ASTN2: variants seen among roughly 807,000 people sequenced by gnomAD.
ASTN2 encodes astrotactin 2, also known as astrotactin-2.
ASTN2 carries 54 observed loss-of-function variants against 139.8 expected under a neutral mutation model. The observed-to-expected ratio is 0.39, with a 90% CI of 0.31 to 0.48. The LOEUF is 0.48. Ranked by LOEUF, ASTN2 falls within the 20% of genes least tolerant of loss-of-function variation. The pLI is 0.95. For synonymous variants in ASTN2, 756 were observed against 719.5 expected (o/e 1.05, Z -0.81); for missense variants, 1,565 against 1,725.1 (o/e 0.91, Z 1.64).
chr9:117,347,433 C>T (rs778327281), intron 1 of ASTN2, among the ~76,000 whole-genome samples: 9 of 151,970 alleles, frequency 5.9e-5, no homozygotes, highest in Non-Finnish European at 1.0e-4. Context: ...ACACTGCATG[C>T]TAGATACGGC....
chr9:117,284,612 T>C (rs1184312403), intron 2 of ASTN2, among the ~76,000 whole-genome samples: 1 of 152,242 alleles, frequency 6.6e-6, no homozygotes, highest in African/African-American at 2.4e-5. Context: ...CCTCCAGGAT[T>C]GTGAGATAAT....
At chr9:116,976,237 G>T in intron 8 of ASTN2, 49 bp from the exon 9 acceptor site, 1 of 1,532,496 alleles carries the variant, frequency 6.5e-7, no homozygotes, top group African/African-American at 1.4e-5. Context: ...TCAGAGGCAG[G>T]TAGAATTCAC....
intron 19 of ASTN2, among the ~76,000 whole-genome samples, chr9:116,512,526 T>G (rs149294606): frequency 6.6e-6 from 1 of 152,200 alleles, no homozygotes; most frequent in African/African-American, 2.4e-5. Flanking sequence ...GTCCGCTTGG[T>G]GTAGAGTTGA....
intron 10 of ASTN2, among the ~76,000 whole-genome samples, chr9:116,925,546 C>A (rs1834729564): frequency 6.6e-6 from 1 of 152,180 alleles, no homozygotes; most frequent in Non-Finnish European, 1.5e-5. Flanking sequence ...CACATGTACT[C>A]ATACAGGCTC....
At chr9:116,796,575 G>A (rs1401680742) in intron 13 of ASTN2, among the ~76,000 whole-genome samples, 2 of 152,144 alleles carry the variant, frequency 1.3e-5, no homozygotes, top group Admixed American at 6.5e-5. Context: ...ATGGCCAAGG[G>A]TGATACAGCA....
At chr9:116,887,235 G>A (rs1203194472) in intron 10 of ASTN2, among the ~76,000 whole-genome samples, 1 of 151,980 alleles carries the variant, frequency 6.6e-6, no homozygotes, top group Non-Finnish European at 1.5e-5. Flanking sequence ...AGACAGCCAG[G>A]GGAGACAGAC....
chr9:117,034,407 C>A (rs557947122), intron 6 of ASTN2, among the ~76,000 whole-genome samples: 1 of 152,200 alleles, frequency 6.6e-6, no homozygotes, highest in East Asian at 1.9e-4. Flanking sequence ...ACATTATATC[C>A]AATGCTAATG....
At chr9:116,605,777 C>T (rs927535153) in intron 19 of ASTN2, among the ~76,000 whole-genome samples, 1 of 152,210 alleles carries the variant, frequency 6.6e-6, no homozygotes, top group Non-Finnish European at 1.5e-5. Context: ...TCCTATATCC[C>T]TTTATTTCCA....
chr9:116,624,108 T>C (rs1005596628), intron 17 of ASTN2, among the ~76,000 whole-genome samples: 12 of 152,108 alleles, frequency 7.9e-5, no homozygotes, highest in Admixed American at 1.3e-4. Flanking sequence ...GCTTCCAACT[T>C]CTGGCTAATT....
chr9:116,441,926 TTGCA>T (rs1388813180), intron 21 of ASTN2, among the ~76,000 whole-genome samples: 1 of 152,242 alleles, frequency 6.6e-6, no homozygotes, highest in African/African-American at 2.4e-5. Context: ...ACATTTAATC[TTGCA>T]TGCTAACTGA....
chr9:117,281,692 G>C (rs1261762427), intron 2 of ASTN2, among the ~76,000 whole-genome samples: 1 of 152,140 alleles, frequency 6.6e-6, no homozygotes, highest in Non-Finnish European at 1.5e-5. Flanking sequence ...CACACGCCCT[G>C]ACTCTCTTGC....
chr9:117,052,485 T>C lies in ASTN2; in HGVS notation c.1277-12520A>G, dbSNP rs187553827. On this transcript the variant is annotated intron_variant, in intron 5 of 22. Transcript: ENST00000313400. ...GATTAAATAATTAAATAGCATGACA[T>C]GCACTGCATAGCAGAAGCTCAGTGA... Among the ~76,000 whole-genome samples the C allele has an allele frequency of 8.4e-4, 127 of 150,624 alleles. 1 individual carries two copies. In the East Asian group the frequency reaches 0.016, roughly 19 times the overall value.
At chr9:116,625,014 A>C (rs1856370597) in intron 17 of ASTN2, among the ~76,000 whole-genome samples, 1 of 152,214 alleles carries the variant, frequency 6.6e-6, no homozygotes. Context: ...GATAAAAGCA[A>C]AGAAAATGTG....
intron 2 of ASTN2, among the ~76,000 whole-genome samples, chr9:117,231,975 G>A (rs569787275): frequency 9.8e-5 from 15 of 152,300 alleles, no homozygotes; most frequent in African/African-American, 3.6e-4. Context: ...TCAGGGCCCT[G>A]CACTCGGGGA....
chr9:117,299,669 A>C (rs1834828416), intron 1 of ASTN2, among the ~76,000 whole-genome samples: 1 of 152,222 alleles, frequency 6.6e-6, no homozygotes, highest in African/African-American at 2.4e-5. Flanking sequence ...ATCACCTAGC[A>C]GAATAATACA....
chr9:116,928,447 T>C (rs2132447261), intron 10 of ASTN2, among the ~76,000 whole-genome samples: 1 of 152,330 alleles, frequency 6.6e-6, no homozygotes, highest in African/African-American at 2.4e-5. Context: ...TGAGCTCATG[T>C]TTACTCAGAA....
intron 13 of ASTN2, among the ~76,000 whole-genome samples, chr9:116,799,710 G>C (rs546509320): frequency 7.5e-5 from 11 of 146,638 alleles, no homozygotes; most frequent in Non-Finnish European, 1.2e-4. Flanking sequence ...AGAGAGTGGG[G>C]GGGGGGAGAA....
chr9:116,679,905 C>T (rs972919836), intron 16 of ASTN2, among the ~76,000 whole-genome samples: 3 of 152,052 alleles, frequency 2.0e-5, no homozygotes, highest in East Asian at 3.9e-4. Flanking sequence ...GCAATAAATG[C>T]CCATAAGAGA....
At chr9:117,077,073 T>C (rs1026126378) in intron 5 of ASTN2, among the ~76,000 whole-genome samples, 2 of 151,972 alleles carry the variant, frequency 1.3e-5, no homozygotes, top group Non-Finnish European at 2.9e-5. Context: ...TAACGAGCCG[T>C]TTGTTACCAG....
Sources: gnomAD v4.1 joint callset for allele counts (sites outside exome capture counted in the v4.1 genomes callset) on GRCh38, gnomAD v4.1.1 for gene constraint, MANE v1.5 for transcripts, NCBI Gene and HGNC (gene_info 2026-07-23, HGNC 2026-07-21) for gene names.